The following CRMP1 variants were observed in gnomAD, a reference collection of about 807,000 sequenced individuals.
CRMP1 encodes collapsin response mediator protein 1.
CRMP1 carries 19 observed loss-of-function variants against 68.3 expected under a neutral mutation model. The observed-to-expected ratio is 0.28, with a 90% CI of 0.19 to 0.41. The LOEUF (loss-of-function observed/expected upper bound fraction) is 0.41, where lower values mean the gene tolerates loss of function less well. CRMP1 is among the 10% of genes least tolerant of loss of function. CRMP1 has a pLI of 1.00. For synonymous variants in CRMP1, 439 were observed against 399.6 expected, an observed-to-expected ratio of 1.10 and a Z score of -1.18; for missense variants, 791 against 967.4, an observed-to-expected ratio of 0.82 and a Z score of 2.42.
chr4:5,888,229 G>A lies in CRMP1; in HGVS notation c.381+4360C>T, dbSNP rs2152477210. ...GCGGCGGGGGCGGGGGCCGCTTACC[G>A]TGATGTGCGGGATGCTCTTCTTGCC... On this transcript the variant is annotated intron_variant, in intron 1 of 13. Coordinates refer to ENST00000324989, the MANE Select transcript of CRMP1 (RefSeq NM_001014809.3). The surrounding 1 kb of genome is among the most constrained non-coding windows in gnomAD (Gnocchi z 6.4). The A allele has an allele frequency of 7.8e-7, 1 of 1,277,038 alleles. No individual in the cohort carries two copies. The allele number at this position is 1,277,038 out of a possible 1,614,324, so 79.1% of individuals were successfully genotyped here.
At chr4:5,851,375 C>G in intron 5 of CRMP1, 33 bp downstream of exon 5, 4 of 1,605,764 alleles carry the variant, frequency 2.5e-6, no homozygotes, top group Non-Finnish European at 3.4e-6. Flanking sequence ...CCTGCCCAGA[C>G]AAGAGAGGAG....
intron 4 of CRMP1, 56 bp downstream of exon 4, chr4:5,856,087 G>A (rs1480973954): frequency 6.3e-7 from 1 of 1,592,858 alleles, no homozygotes; most frequent in Non-Finnish European, 8.6e-7. Flanking sequence ...CATAATCTTT[G>A]GATCTACCAA....
In CRMP1 at chr4:5,842,858, G is replaced by A. The variant is rs1711885290; in HGVS notation, c.1032+235C>T. ...ATCCGTATCCACTTGGGACACTGAAGCACCCACGGGGCCTTGGAGTGAAGT... is the reference window on the plus strand; with the variant it reads ...ATCCGTATCCACTTGGGACACTGAAACACCCACGGGGCCTTGGAGTGAAGT... On this transcript the variant is annotated intron_variant, in intron 7 of 13. Transcript: ENST00000324989. The surrounding 1 kb of genome is among the most constrained non-coding windows in gnomAD (Gnocchi z 4.5). Among the ~76,000 whole-genome samples, 1 of 152,160 alleles carries A rather than the reference G, an allele frequency of 6.6e-6. No homozygotes were observed. The highest frequency in any genetic ancestry group is 2.1e-4 in the South Asian group (1 of 4,826).
Position 5,825,540 on chromosome 4 carries a change from C to A in CRMP1, c.1923G>T (p.Gln641His). 1 of 1,592,426 alleles carries A rather than the reference C, an allele frequency of 6.3e-7. No individual in the cohort carries two copies. Among genetic ancestry groups the A allele is most frequent in the Non-Finnish European group, 8.5e-7 (1 of 1,172,354 alleles). The change falls in exon 13 of 14, where the codon CAG (glutamine) becomes CAT (histidine). Residue 641 changes from glutamine (Q) to histidine (H), a missense_variant. This residue lies in a region of CRMP1 where 594 missense variants were observed against 763.6 expected (regional missense o/e 0.78). Coordinates refer to ENST00000324989, the MANE Select transcript of CRMP1 (RefSeq NM_001014809.3). The surrounding 1 kb of genome is among the most constrained non-coding windows in gnomAD (Gnocchi z 4.4). ...PSAKSSPSKH[Q>H]PPPIRNLHQS... ...GGTGGAGGTTTCTGATGGGTGGGGG[C>A]TGGTGTTTAGAAGGCGAAGATTTGG...
chr4:5,867,521 T>TG (rs1401458644), intron 1 of CRMP1, among the ~76,000 whole-genome samples: 3 of 152,222 alleles, frequency 2.0e-5, no homozygotes, highest in Admixed American at 6.5e-5. Context: ...GACATTCTGA[T>TG]GTCTCCCCAC....
intron 1 of CRMP1, among the ~76,000 whole-genome samples, chr4:5,880,724 C>A (rs1346112137): frequency 6.6e-6 from 1 of 152,172 alleles, no homozygotes; most frequent in African/African-American, 2.4e-5. Flanking sequence ...CTTTGAGCTC[C>A]AAAACTCCTC....
intron 10 of CRMP1, among the ~76,000 whole-genome samples, 169 bp downstream of exon 10, chr4:5,836,596 G>C (rs1422483831): frequency 2.0e-5 from 3 of 152,232 alleles, no homozygotes; most frequent in Non-Finnish European, 4.4e-5. Context: ...TCCCGGACTT[G>C]AGCTACTATC....
rs1374319339 is a variant in CRMP1, at chr4:5,872,096, C to T, written c.382-5340G>A. Among the ~76,000 whole-genome samples the T allele has an allele frequency of 1.3e-5, 2 of 152,168 alleles. No individual in the cohort carries two copies. The highest frequency in any genetic ancestry group is 4.8e-5 in the African/African-American group (2 of 41,442). ...TGTCCCATGTTTAAACATTCCCAAACTCTAGAATCCATGACACCTCATAAG... is the reference window on the plus strand; with the variant it reads ...TGTCCCATGTTTAAACATTCCCAAATTCTAGAATCCATGACACCTCATAAG... On this transcript the variant is annotated intron_variant, in intron 1 of 13. Transcript: ENST00000324989. The surrounding 1 kb of genome is among the most constrained non-coding windows in gnomAD (Gnocchi z 4.6).
chr4:5,866,717 C>T lies in CRMP1; in HGVS notation c.421G>A (p.Asp141Asn), dbSNP rs545458583. The T allele has an allele frequency of 8.1e-6, 13 of 1,612,964 alleles. No homozygotes were observed. The highest frequency in any genetic ancestry group is 1.3e-5 in the African/African-American group (1 of 74,902). ...ACGTCAGCATAAAGGGATTGGTCAT[C>T]GTTGATGATCCGTCCACCTTTGATG... Reference protein sequence around the residue: ...LLIKGGRIINDDQSLYADVYL... With the variant: ...LLIKGGRIINNDQSLYADVYL... Residue 141 changes from aspartate (D) to asparagine (N), a missense_variant, in exon 2 of 14, where the codon GAT becomes AAT. By Grantham distance (23) the Asp-to-Asn change is conservative. This residue lies in a region of CRMP1 where 594 missense variants were observed against 763.6 expected (regional missense o/e 0.78). Transcript: ENST00000324989. The surrounding 1 kb of genome is among the most constrained non-coding windows in gnomAD (Gnocchi z 5.9).
In CRMP1 at chr4:5,838,460, G is replaced by A. The variant is rs77764318; in HGVS notation, c.1310+1062C>T. On this transcript the variant is annotated intron_variant, in intron 9 of 13. Transcript: ENST00000324989. This position sits in a 1 kb window ranked among gnomAD's most constrained non-coding sequence, Gnocchi z 4.9. The stretch of plus-strand genomic sequence containing the variant: ...GTGATGGGTAGGGTGGGGTGGGCCC[G>A]TGTGGAAATAGAAAGTCTTGGTCGG... Among the ~76,000 whole-genome samples the A allele has an allele frequency of 0.031, 4,771 of 152,216 alleles. 108 individuals carry two copies. The highest frequency in any genetic ancestry group is 0.069 in the African/African-American group (2,885 of 41,520).
In CRMP1 at chr4:5,891,452, GATA is replaced by G. The variant is rs1184316113; in HGVS notation, c.381+1134_381+1136del. ...TAAGAGGGGAAGGTTTAATTAAAAT[GATA>G]ATGATTGTAATAAAAGTCAACAACA... is the stretch of plus-strand genomic sequence containing the variant. On this transcript the variant is annotated intron_variant, in intron 1 of 13. Transcript: ENST00000324989. The surrounding 1 kb of genome is among the most constrained non-coding windows in gnomAD (Gnocchi z 5.2). 6.6e-6 allele frequency among the ~76,000 whole-genome samples: 1 copy of G among 152,184 alleles called. No homozygotes were observed.
At chr4:5,824,486 C>T (rs1348774554) in intron 13 of CRMP1, 9 of 828,528 alleles carry the variant, frequency 1.1e-5, no homozygotes, top group East Asian at 1.2e-4. Context: ...ACGTCATCCT[C>T]TCTCTCTCTC....
chr4:5,891,173 CAT>C lies in CRMP1; in HGVS notation c.381+1414_381+1415del, dbSNP rs1397590137. 9.7e-5 allele frequency among the ~76,000 whole-genome samples: 13 copies of C among 133,464 alleles called. No homozygotes were observed. The highest frequency in any genetic ancestry group is 2.4e-4 in the Admixed American group (3 of 12,330). The allele number at this position is 133,464 out of a possible 152,430, so 87.6% of individuals were successfully genotyped here. A position where few individuals can be genotyped will look rare whatever the true frequency, so the allele number is the denominator to read the frequency against. On this transcript the variant is annotated intron_variant, in intron 1 of 13. Coordinates refer to ENST00000324989, the MANE Select transcript of CRMP1 (RefSeq NM_001014809.3). The surrounding 1 kb of genome is among the most constrained non-coding windows in gnomAD (Gnocchi z 5.2). ...TCTGATCACCCCACCACCACACACA[CAT>C]ACACACACACACACACACACACACA...
chr4:5,863,703 C>T (rs1305222454), intron 2 of CRMP1, among the ~76,000 whole-genome samples: 1 of 152,046 alleles, frequency 6.6e-6, no homozygotes, highest in African/African-American at 2.4e-5. Flanking sequence ...ATGGAAACCT[C>T]GATGAATCAT....
At chr4:5,851,262 C>T in intron 5 of CRMP1, 146 bp downstream of exon 5, 1 of 745,604 alleles carries the variant, frequency 1.3e-6, no homozygotes, top group Non-Finnish European at 2.4e-6. Flanking sequence ...ATGACTGACA[C>T]CGTATCACAC....
At chr4:5,835,862 T>C in intron 11 of CRMP1, 53 bp downstream of exon 11, 1 of 1,371,876 alleles carries the variant, frequency 7.3e-7, no homozygotes, top group Non-Finnish European at 9.5e-7. Context: ...TCTTTAAAAA[T>C]GATTACAACG....
intron 13 of CRMP1, chr4:5,824,260 C>T: frequency 1.0e-6 from 1 of 983,668 alleles, no homozygotes; most frequent in Non-Finnish European, 1.2e-6. Flanking sequence ...GAAGCCAATC[C>T]CTGGTTTGCT....
rs1256116963 is a variant in CRMP1, at chr4:5,868,308, AT to A, written c.382-1553del. ...ATATATATATATATATATATACATA[AT>A]TTTTTTTTTTGAGACGGAGTCTCAC... On this transcript the variant is annotated intron_variant, in intron 1 of 13. Coordinates refer to ENST00000324989, the MANE Select transcript of CRMP1 (RefSeq NM_001014809.3). 6.5e-3 allele frequency among the ~76,000 whole-genome samples: 591 copies of A among 90,358 alleles called. 3 individuals carry two copies. The highest frequency in any genetic ancestry group is 0.015 in the African/African-American group (359 of 23,374). 59.3% of individuals were successfully genotyped at this position (90,358 alleles called of 152,430 possible).
intron 13 of CRMP1, among the ~76,000 whole-genome samples, 199 bp from the exon 14 acceptor site, chr4:5,822,050 C>CT (rs199545450): frequency 0.046 from 6,867 of 148,410 alleles, 172 homozygotes; most frequent in African/African-American, 0.079. Flanking sequence ...TCCCTGGGCT[C>CT]CCCCCACCTT....
Sources: allele counts gnomAD v4.1 joint callset (sites outside exome capture counted in the v4.1 genomes callset), GRCh38; gene constraint gnomAD v4.1.1; regional missense constraint gnomAD v4.1.1; non-coding constraint Gnocchi (gnomAD v3.1); transcripts MANE v1.5; gene names NCBI Gene and HGNC (gene_info 2026-07-23, HGNC 2026-07-21).